Variants in MBOAT1 observed in about 807,000 individuals in gnomAD.
MBOAT1 encodes membrane bound glycerophospholipid O-acyltransferase 1.
A neutral mutation model predicts 64.4 loss-of-function variants in MBOAT1; 67 were observed. The observed-to-expected ratio is 1.04, with a 90% CI of 0.85 to 1.27. The LOEUF is 1.27. Among genes scored for constraint, MBOAT1 ranks in the 50% most tolerant of loss-of-function variants. MBOAT1 has a pLI of 0.00. For synonymous variants in MBOAT1, 229 were observed against 218.9 expected, an observed-to-expected ratio of 1.05 and a Z score of -0.41; for missense variants, 563 against 604.6, an observed-to-expected ratio of 0.93 and a Z score of 0.72.
rs368072391 is a variant in MBOAT1, at chr6:20,131,167, G to A, written c.452C>T (p.Thr151Ile). 2.5e-6 allele frequency: 4 copies of A among 1,613,864 alleles called. No homozygotes were observed. Among genetic ancestry groups the A allele is most frequent in the Non-Finnish European group, 1.7e-6 (2 of 1,179,880 alleles). The change falls in exon 5 of 13, where the codon ACC becomes ATC. Residue 151 changes from threonine (T) to isoleucine (I), a missense_variant. Transcript: ENST00000324607. ...ACCATCATGAACCTGGAATGCCAAGGTTGTGATCTTCTGAGTGACAATCAT... is the reference window on the plus strand; with the variant it reads ...ACCATCATGAACCTGGAATGCCAAGATTGTGATCTTCTGAGTGACAATCAT... ...PLMIVTQKIT[T>I]LAFQVHDGLG... is the part of the protein sequence containing the mutation.
At chr6:20,111,849 T>TATATATACATATATATAC (rs1361087679) in intron 11 of MBOAT1, among the ~76,000 whole-genome samples, 6 of 80,240 alleles carry the variant, frequency 7.5e-5, no homozygotes, top group South Asian at 4.5e-4. Flanking sequence ...TATATATACA[T>TATATATACATATATATAC]ATATATATAC....
At chr6:20,210,159 A>C (rs1161172039) in intron 1 of MBOAT1, among the ~76,000 whole-genome samples, 2 of 152,052 alleles carry the variant, frequency 1.3e-5, no homozygotes, top group East Asian at 1.9e-4. Context: ...AAATTTCTCA[A>C]CCTCAAAAGG....
intron 3 of MBOAT1, among the ~76,000 whole-genome samples, chr6:20,148,575 A>G (rs1761395837): frequency 1.3e-5 from 2 of 152,348 alleles, no homozygotes; most frequent in Admixed American, 6.5e-5. Flanking sequence ...ACTTGCGTTC[A>G]AACTGCTGCA....
At chr6:20,192,995 C>CTTTTTTTTTATTTTTTTT (rs1762846608) in intron 1 of MBOAT1, among the ~76,000 whole-genome samples, 1 of 55,048 alleles carries the variant, frequency 1.8e-5, no homozygotes, top group African/African-American at 6.3e-5. Context: ...GCTATAATTT[C>CTTTTTTTTTATTTTTTTT]TTTTTTTTTT....
At chr6:20,127,051 C>A (rs372129875) in intron 6 of MBOAT1, among the ~76,000 whole-genome samples, 1 of 152,184 alleles carries the variant, frequency 6.6e-6, no homozygotes, top group Non-Finnish European at 1.5e-5. Flanking sequence ...TAAAGCAGGG[C>A]GGAACCTGAC....
chr6:20,193,908 C>A (rs188226676), intron 1 of MBOAT1, among the ~76,000 whole-genome samples: 21 of 152,164 alleles, frequency 1.4e-4, no homozygotes, highest in South Asian at 2.1e-4. Flanking sequence ...CCCAGCCAAT[C>A]CTTTGTATCT....
intron 4 of MBOAT1, among the ~76,000 whole-genome samples, chr6:20,141,359 C>CTTTTTTTTTTTTTTTTT (rs755615744): frequency 1.6e-4 from 16 of 99,818 alleles, no homozygotes; most frequent in African/African-American, 3.6e-4. Context: ...TTTTCTTTTT[C>CTTTTTTTTTTTTTTTTT]TTTTTTTTTT....
At chr6:20,207,581 C>T (rs1393664374) in intron 1 of MBOAT1, among the ~76,000 whole-genome samples, 1 of 152,054 alleles carries the variant, frequency 6.6e-6, no homozygotes, top group African/African-American at 2.4e-5. Context: ...TAAAAAAAAT[C>T]TAAGGAAGAA....
chr6:20,131,992 C>T (rs1307984536), intron 4 of MBOAT1, among the ~76,000 whole-genome samples: 1 of 152,138 alleles, frequency 6.6e-6, no homozygotes, highest in Non-Finnish European at 1.5e-5. Flanking sequence ...AAGCAATCCT[C>T]TCACCTCAGC....
chr6:20,111,838 A>ATATATATACGTATATATATACG (rs1760160927), intron 11 of MBOAT1, among the ~76,000 whole-genome samples: 1 of 129,858 alleles, frequency 7.7e-6, no homozygotes, highest in African/African-American at 3.3e-5. Context: ...ATATATACAC[A>ATATATATACGTATATATATACG]TATATATACA....
rs542145483 is a variant in MBOAT1, at chr6:20,193,372, T to G, written c.99+18764A>C. On this transcript the variant is annotated intron_variant, in intron 1 of 12. Coordinates refer to ENST00000324607, the MANE Select transcript of MBOAT1 (RefSeq NM_001080480.3). ...CTTAAACAAGATATGCTTAGTATGA[T>G]TCTGTAATAAGGAGAGACTGAATCC... Among the ~76,000 whole-genome samples, 5 of 152,210 alleles carry G rather than the reference T, an allele frequency of 3.3e-5. No homozygotes were observed. The East Asian group carries it at 9.7e-4, about 29-fold the overall frequency.
In MBOAT1 at chr6:20,102,164, A is replaced by G. The variant is rs562285827; in HGVS notation, c.*122T>C. 1 of 962,830 alleles carries G rather than the reference A, an allele frequency of 1.0e-6. No homozygotes were observed. The highest frequency in any genetic ancestry group is 2.7e-5 in the Admixed American group (1 of 36,978). The allele number at this position is 962,830 out of a possible 1,614,324, so 59.6% of individuals were successfully genotyped here. Reference sequence around the variant, plus strand: ...AAAAAAATACTCCCTGCACTTTAAAAAAGAACAAAATAAAGATGCATGTAA... The same window carrying G: ...AAAAAAATACTCCCTGCACTTTAAAGAAGAACAAAATAAAGATGCATGTAA... On this transcript the variant is annotated 3_prime_UTR_variant, in exon 13 of 13. Coordinates refer to ENST00000324607, the MANE Select transcript of MBOAT1 (RefSeq NM_001080480.3).
At chr6:20,131,292 T>C in intron 4 of MBOAT1, 93 bp from the exon 5 acceptor site, 2 of 1,124,580 alleles carry the variant, frequency 1.8e-6, no homozygotes, top group South Asian at 2.5e-5. Flanking sequence ...TGAATTGTAG[T>C]TCCCATAATC....
rs1032496395 is a variant in MBOAT1, at chr6:20,209,707, C to G, written c.99+2429G>C. 3.3e-5 allele frequency among the ~76,000 whole-genome samples: 5 copies of G among 152,166 alleles called. No homozygotes were observed. The South Asian group carries it at 1.0e-3, about 31-fold the overall frequency. ...TATCCCAGGCCAATCAAAAGTCACTCTCTAATGGGACAGGAGCAAACACGT... is the reference window on the plus strand; with the variant it reads ...TATCCCAGGCCAATCAAAAGTCACTGTCTAATGGGACAGGAGCAAACACGT... On this transcript the variant is annotated intron_variant, in intron 1 of 12. Transcript: ENST00000324607.
At chr6:20,117,211 G>A (rs13195808) in intron 9 of MBOAT1, among the ~76,000 whole-genome samples, 1 of 152,120 alleles carries the variant, frequency 6.6e-6, no homozygotes, top group Non-Finnish European at 1.5e-5. Context: ...CATCTGCCAA[G>A]GCTTTCCACC....
chr6:20,184,512 C>T (rs967420132), intron 1 of MBOAT1, among the ~76,000 whole-genome samples: 2 of 152,102 alleles, frequency 1.3e-5, no homozygotes, highest in African/African-American at 4.8e-5. Context: ...TCTGACTACA[C>T]CTCAGTCCCT....
chr6:20,114,574 A>G (rs1311274596), intron 10 of MBOAT1, among the ~76,000 whole-genome samples: 4 of 152,184 alleles, frequency 2.6e-5, no homozygotes, highest in African/African-American at 9.7e-5. Flanking sequence ...GAGGCAGCAC[A>G]GCAGAGAGGT....
intron 1 of MBOAT1, among the ~76,000 whole-genome samples, chr6:20,200,818 G>A (rs1029167429): frequency 6.6e-6 from 1 of 152,076 alleles, no homozygotes; most frequent in African/African-American, 2.4e-5. Context: ...AGGGTGACCG[G>A]TCCCCCACCA....
chr6:20,187,058 G>T (rs2113750510), intron 1 of MBOAT1, among the ~76,000 whole-genome samples: 1 of 152,298 alleles, frequency 6.6e-6, no homozygotes, highest in South Asian at 2.1e-4. Context: ...ACCATGACTT[G>T]CTCGTTCCGA....
Sources: allele counts gnomAD v4.1 joint callset (sites outside exome capture counted in the v4.1 genomes callset), GRCh38; gene constraint gnomAD v4.1.1; transcripts MANE v1.5; gene names NCBI Gene and HGNC (gene_info 2026-07-23, HGNC 2026-07-21).